Variants in CPA6 observed in about 807,000 individuals in gnomAD.
CPA6 encodes the protein carboxypeptidase B.
In CPA6, 58 loss-of-function variants were observed where a neutral mutation model predicts 63.3. The observed-to-expected ratio is 0.92, with a 90% confidence interval of 0.74 to 1.14. CPA6 has a LOEUF of 1.14. Among genes scored for constraint, CPA6 ranks in the 50% most tolerant of loss-of-function variants. The probability of loss-of-function intolerance (pLI) is 0.00; values close to 1 mark genes in which losing one functional copy is unlikely to be tolerated. For synonymous variants in CPA6, 185 were observed against 179.0 expected (o/e 1.03, Z -0.27); for missense variants, 565 against 526.6 (o/e 1.07, Z -0.71).
At chr8:67,457,529 G>A (rs1810702849) in intron 8 of CPA6, among the ~76,000 whole-genome samples, 1 of 151,972 alleles carries the variant, frequency 6.6e-6, no homozygotes, top group Admixed American at 6.6e-5. Flanking sequence ...TACCTTTCCA[G>A]TGCCTTCTTC....
chr8:67,682,865 G>T (rs1480530704), intron 1 of CPA6, among the ~76,000 whole-genome samples: 3 of 152,200 alleles, frequency 2.0e-5, no homozygotes, highest in African/African-American at 7.2e-5. Context: ...ATTCCCTAGA[G>T]TATTCCTTCT....
At chr8:67,502,606 A>G (rs1811850482) in intron 6 of CPA6, among the ~76,000 whole-genome samples, 1 of 152,182 alleles carries the variant, frequency 6.6e-6, no homozygotes, top group African/African-American at 2.4e-5. Flanking sequence ...TTTCTAACAT[A>G]TACCTTTAGT....
chr8:67,430,378 C>T (rs1810001228), intron 9 of CPA6, among the ~76,000 whole-genome samples: 1 of 151,810 alleles, frequency 6.6e-6, no homozygotes, highest in Non-Finnish European at 1.5e-5. Flanking sequence ...TGGGGTTTCA[C>T]CATGTTGGTC....
chr8:67,695,919 C>T (rs566913086), intron 1 of CPA6, among the ~76,000 whole-genome samples: 2 of 152,294 alleles, frequency 1.3e-5, no homozygotes, highest in African/African-American at 4.8e-5. Flanking sequence ...TTGCTTTATG[C>T]TCTTCTGGCT....
chr8:67,541,982 G>A (rs895906779), intron 2 of CPA6, among the ~76,000 whole-genome samples: 10 of 152,220 alleles, frequency 6.6e-5, no homozygotes, highest in African/African-American at 2.4e-4. Flanking sequence ...TATCTTATGA[G>A]ACAACGATTA....
intron 6 of CPA6, 113 bp from the exon 7 acceptor site, chr8:67,484,902 C>G: frequency 1.9e-6 from 1 of 537,966 alleles, no homozygotes; most frequent in Non-Finnish European, 3.3e-6. Context: ...TTTAAAAAGT[C>G]ATAAACTAAC....
chr8:67,709,131 A>G (rs547601277), intron 1 of CPA6, among the ~76,000 whole-genome samples: 2 of 152,256 alleles, frequency 1.3e-5, no homozygotes, highest in African/African-American at 4.8e-5. Context: ...AGGGAAAAAC[A>G]CCTCAAATGA....
intron 2 of CPA6, among the ~76,000 whole-genome samples, chr8:67,613,019 T>C (rs1273513364): frequency 1.3e-5 from 2 of 152,240 alleles, no homozygotes; most frequent in African/African-American, 2.4e-5. Flanking sequence ...GGCAAAAATC[T>C]TAAGGTTAGG....
intron 2 of CPA6, among the ~76,000 whole-genome samples, chr8:67,522,677 A>G (rs1812284055): frequency 6.6e-6 from 1 of 152,224 alleles, no homozygotes; most frequent in Non-Finnish European, 1.5e-5. Flanking sequence ...CCTGGGCGAG[A>G]GCTCTAACAT....
At chr8:67,712,956 A>G (rs1451702169) in intron 1 of CPA6, among the ~76,000 whole-genome samples, 1 of 151,610 alleles carries the variant, frequency 6.6e-6, no homozygotes. Flanking sequence ...ATTTCACTCA[A>G]TAATAGCCCC....
intron 8 of CPA6, among the ~76,000 whole-genome samples, chr8:67,479,918 A>C (rs1176303620): frequency 6.7e-6 from 1 of 149,332 alleles, no homozygotes; most frequent in African/African-American, 2.5e-5. Flanking sequence ...TTCTCTCTTC[A>C]CTCCAGATGA....
chr8:67,736,946 T>C (rs962865825), intron 1 of CPA6, among the ~76,000 whole-genome samples: 1 of 152,228 alleles, frequency 6.6e-6, no homozygotes, highest in Non-Finnish European at 1.5e-5. Flanking sequence ...TCCCTCTTTT[T>C]TCTTCTGATG....
intron 2 of CPA6, among the ~76,000 whole-genome samples, chr8:67,538,902 G>T (rs948000883): frequency 6.6e-6 from 1 of 152,044 alleles, no homozygotes; most frequent in Non-Finnish European, 1.5e-5. Flanking sequence ...CTCATGATCT[G>T]CCTGCCTTGG....
At chr8:67,524,884 C>T (rs1416843211) in intron 2 of CPA6, among the ~76,000 whole-genome samples, 1 of 152,086 alleles carries the variant, frequency 6.6e-6, no homozygotes, top group East Asian at 1.9e-4. Context: ...TCCACTCATC[C>T]CATTTCTCAA....
chr8:67,589,087 C>T (rs564777902), intron 2 of CPA6, among the ~76,000 whole-genome samples: 5 of 151,198 alleles, frequency 3.3e-5, no homozygotes, highest in East Asian at 1.9e-4. Context: ...CACTGCACTC[C>T]GGCATGGGTG....
chr8:67,602,689 T>A (rs190626780), intron 2 of CPA6, among the ~76,000 whole-genome samples: 2 of 152,254 alleles, frequency 1.3e-5, no homozygotes, highest in Admixed American at 1.3e-4. Context: ...AAACCAAAAT[T>A]GGAACACAAC....
intron 2 of CPA6, among the ~76,000 whole-genome samples, chr8:67,597,393 ACC>A (rs1814372186): frequency 1.3e-5 from 2 of 151,962 alleles, no homozygotes; most frequent in African/African-American, 2.4e-5. Flanking sequence ...ATGGGGTTTC[ACC>A]ATGTTGACCA....
In CPA6 at chr8:67,634,657, A is replaced by C. The variant is rs185517883; in HGVS notation, c.117-10406T>G. ...CCAATGAGTTCTAACCCTTAAATTG[A>C]GGGGAAGGACCAATGAACCACTGCA... On this transcript the variant is annotated intron_variant, in intron 1 of 10. Coordinates refer to ENST00000297770, the MANE Select transcript of CPA6 (RefSeq NM_020361.5). Among the ~76,000 whole-genome samples the C allele has an allele frequency of 7.3e-5, 11 of 151,664 alleles. No individual in the cohort carries two copies. In the East Asian group the frequency reaches 2.1e-3, roughly 29 times the overall value.
chr8:67,442,997 A>G (rs1270266783), intron 8 of CPA6, among the ~76,000 whole-genome samples: 2 of 151,740 alleles, frequency 1.3e-5, no homozygotes, highest in Non-Finnish European at 2.9e-5. Context: ...TTCCAGCCCC[A>G]TCCTTCTTTT....
Sources: gnomAD v4.1 joint callset for allele counts (sites outside exome capture counted in the v4.1 genomes callset) on GRCh38, gnomAD v4.1.1 for gene constraint, MANE v1.5 for transcripts, NCBI Gene and HGNC (gene_info 2026-07-23, HGNC 2026-07-21) for gene names.